Variants in USP45 observed in about 807,000 individuals in gnomAD.
USP45 encodes ubiquitin specific peptidase 45.
USP45 carries 89 observed loss-of-function variants against 95.8 expected under a neutral mutation model. The observed-to-expected ratio is 0.93, with a 90% CI of 0.78 to 1.11. The LOEUF (loss-of-function observed/expected upper bound fraction) is 1.11, where lower values mean the gene tolerates loss of function less well. USP45 is among the 50% of genes least tolerant of loss of function. The probability of loss-of-function intolerance (pLI) is 0.00; values close to 1 mark genes in which losing one functional copy is unlikely to be tolerated. For synonymous variants in USP45, 281 were observed against 316.2 expected, an observed-to-expected ratio of 0.89 and a Z score of 1.18; for missense variants, 898 against 942.5, an observed-to-expected ratio of 0.95 and a Z score of 0.62.
intron 13 of USP45, chr6:99,461,429 T>G (rs1402323543): frequency 1.0e-6 from 1 of 985,304 alleles, no homozygotes; most frequent in African/African-American, 1.7e-5. Context: ...TTTACTCTGT[T>G]TACGTATCTG....
chr6:99,480,336 T>A (rs1010232701), intron 8 of USP45, among the ~76,000 whole-genome samples: 32 of 152,110 alleles, frequency 2.1e-4, no homozygotes, highest in African/African-American at 7.5e-4. Context: ...ATCTACACAT[T>A]CAAAACAATC....
chr6:99,502,326 A>G (rs896211512), intron 5 of USP45, among the ~76,000 whole-genome samples: 1 of 152,040 alleles, frequency 6.6e-6, no homozygotes, highest in Non-Finnish European at 1.5e-5. Context: ...CTTTTTTGCT[A>G]TATTAAAACT....
chr6:99,466,643 C>T, intron 11 of USP45, 29 bp downstream of exon 11: 1 of 1,524,274 alleles, frequency 6.6e-7, no homozygotes. Context: ...TAATCCATTC[C>T]ATGCTGAATT....
At chr6:99,485,175 C>CAAAAAAAAAAA (rs1190400783) in intron 7 of USP45, among the ~76,000 whole-genome samples, 8 of 88,664 alleles carry the variant, frequency 9.0e-5, no homozygotes, top group Non-Finnish European at 1.8e-4. Context: ...ACTAAAAATA[C>CAAAAAAAAAAA]AAAAAAAAAA....
At position 99,437,231 on chromosome 6, in the gene USP45, C is replaced by G. The variant is rs1269011100; in HGVS notation, c.2314+15G>C. On this transcript the variant is annotated intron_variant, in intron 17 of 17. Coordinates refer to ENST00000500704, the MANE Select transcript of USP45 (RefSeq NM_001346022.3). Reference sequence around the variant, plus strand: ...CGTTTGTTTTTAAGAATAAAATAAACTTAGGATGGCATACCAGGCACATTT... The same window carrying G: ...CGTTTGTTTTTAAGAATAAAATAAAGTTAGGATGGCATACCAGGCACATTT... 1 of 1,593,528 alleles carries G rather than the reference C, an allele frequency of 6.3e-7. No homozygotes were observed. The highest frequency in any genetic ancestry group is 1.4e-5 in the African/African-American group (1 of 73,630).
rs998438087 is a variant in USP45 at position 99,473,765 on chromosome 6, C to CA, written c.933+2377dup. Among the ~76,000 whole-genome samples the CA allele has an allele frequency of 1.7e-4, 23 of 135,846 alleles. No individual in the cohort carries two copies. The Middle Eastern group carries it at 0.018, about 106-fold the overall frequency. 89.1% of individuals were successfully genotyped at this position (135,846 alleles called of 152,430 possible). Reference sequence around the variant, plus strand: ...GTGAGACCCTGTCTCAAAAAAAAAACAAAAAAAACAAAACACACACACACA... The same window carrying CA: ...GTGAGACCCTGTCTCAAAAAAAAAACAAAAAAAAACAAAACACACACACACA... On this transcript the variant is annotated intron_variant, in intron 9 of 17. Transcript: ENST00000500704.
In USP45 at chr6:99,435,176, A is replaced by G. The variant is rs1780270151; in HGVS notation, c.*540T>C. On this transcript the variant is annotated 3_prime_UTR_variant, in exon 18 of 18. Coordinates refer to ENST00000500704, the MANE Select transcript of USP45 (RefSeq NM_001346022.3). ...GATGGCCCTGAGATGATTTTAAGTT[A>G]AGTGGTACGTGGATAAACAATTTTT... 1 of 152,650 alleles carries G rather than the reference A, an allele frequency of 6.6e-6. No homozygotes were observed. The highest frequency in any genetic ancestry group is 6.5e-5 in the Admixed American group (1 of 15,278). 9.5% of individuals were successfully genotyped at this position (152,650 alleles called of 1,614,324 possible). A position where few individuals can be genotyped will look rare whatever the true frequency, so the allele number is the denominator to read the frequency against.
chr6:99,437,301 C>G lies in USP45; in HGVS notation c.2259G>C (p.Val753=). The G allele has an allele frequency of 1.2e-6, 2 of 1,613,830 alleles. No homozygotes were observed. Among genetic ancestry groups the G allele is most frequent in the Non-Finnish European group, 1.7e-6 (2 of 1,179,898 alleles). ...CCGATAATTTCCTGGAGGGTGTTCT[C>G]ACTTTCACATAAGCAGTGTAGTGGC... is the stretch of plus-strand genomic sequence containing the variant. ...REGHYTAYVK[V]RTPSRKLSEH... Residue 753 remains valine (V), a synonymous_variant, in exon 17 of 18, where the codon GTG becomes GTC. Transcript: ENST00000500704.
intron 5 of USP45, among the ~76,000 whole-genome samples, chr6:99,503,482 C>T (rs1583439078): frequency 6.6e-6 from 1 of 152,106 alleles, no homozygotes; most frequent in East Asian, 1.9e-4. Flanking sequence ...CAGGCATGTG[C>T]TACCGTACCC....
chr6:99,446,444 C>T lies in USP45; in HGVS notation c.1328G>A (p.Arg443Gln), dbSNP rs1177432375. The T allele has an allele frequency of 3.1e-6, 5 of 1,612,782 alleles. No individual in the cohort carries two copies. The highest frequency in any genetic ancestry group is 1.3e-5 in the African/African-American group (1 of 74,874). ...AGATGACAATTTTCTAATACATTTT[C>T]GGTCATGAATTAGTTGACTCTGTAA... ...SKDKSQLIHD[R>Q]KCIRKLSSGE... The change falls in exon 14 of 18, where the codon CGA (arginine) becomes CAA (glutamine). Residue 443 changes from arginine (R) to glutamine (Q), a missense_variant. Transcript: ENST00000500704.
intron 5 of USP45, among the ~76,000 whole-genome samples, chr6:99,494,809 G>A (rs1042351450): frequency 4.6e-5 from 7 of 152,134 alleles, no homozygotes; most frequent in African/African-American, 7.2e-5. Context: ...CAGGAGAATC[G>A]TTTGAACCCG....
rs1025149587 is a variant in USP45 at position 99,434,211 on chromosome 6, T to C, written c.*1505A>G. Reference sequence around the variant, plus strand: ...TTTGTATACTATTACCGTCTTTAATTACAGTTATGTTCATCCATATATCAA... The same window carrying C: ...TTTGTATACTATTACCGTCTTTAATCACAGTTATGTTCATCCATATATCAA... On this transcript the variant is annotated 3_prime_UTR_variant, in exon 18 of 18. Coordinates refer to ENST00000500704, the MANE Select transcript of USP45 (RefSeq NM_001346022.3). 1 of 149,748 alleles carries C rather than the reference T, an allele frequency of 6.7e-6. No homozygotes were observed. Among genetic ancestry groups the C allele is most frequent in the African/African-American group, 2.4e-5 (1 of 41,386 alleles). The allele number at this position is 149,748 out of a possible 1,614,324, so 9.3% of individuals were successfully genotyped here. A position where few individuals can be genotyped will look rare whatever the true frequency, so the allele number is the denominator to read the frequency against.
At chr6:99,496,702 TAA>T (rs2128757878) in intron 5 of USP45, among the ~76,000 whole-genome samples, 1 of 152,210 alleles carries the variant, frequency 6.6e-6, no homozygotes, top group East Asian at 1.9e-4. Flanking sequence ...TCATGACATT[TAA>T]AAGACTATTA....
At chr6:99,492,746 C>T (rs1215877026) in intron 5 of USP45, among the ~76,000 whole-genome samples, 2 of 152,036 alleles carry the variant, frequency 1.3e-5, no homozygotes, top group Non-Finnish European at 2.9e-5. Flanking sequence ...CACGCCTTGG[C>T]CTCCCAAAGC....
At position 99,435,815 on chromosome 6, in the gene USP45, G is replaced by T. The variant is rs1386496838; in HGVS notation, c.2346C>A (p.Gly782=). ...AAGTGTCACTAACATGGACCCACTG[G>T]CCTGCTGATTCATTATCAGCCGCTT... is the stretch of plus-strand genomic sequence containing the variant. ...GLKAADNESA[G]QWVHVSDTYL... is the part of the protein sequence containing the mutation. Residue 782 remains glycine (G), a synonymous_variant, in exon 18 of 18, where the codon GGC becomes GGA. Transcript: ENST00000500704. The T allele has an allele frequency of 6.2e-7, 1 of 1,613,032 alleles. No homozygotes were observed. Among genetic ancestry groups the T allele is most frequent in the Non-Finnish European group, 8.5e-7 (1 of 1,179,514 alleles).
chr6:99,472,404 C>T (rs202246422), intron 9 of USP45, among the ~76,000 whole-genome samples: 45 of 152,002 alleles, frequency 3.0e-4, no homozygotes, highest in East Asian at 1.4e-3. Flanking sequence ...TTAGTAGACA[C>T]GGGGTTTCAC....
intron 13 of USP45, chr6:99,462,287 C>G (rs1786657291): frequency 1.0e-6 from 1 of 984,944 alleles, no homozygotes; most frequent in Non-Finnish European, 1.2e-6. Flanking sequence ...CTTTGAGGTA[C>G]AGTTTCTATA....
intron 13 of USP45, among the ~76,000 whole-genome samples, chr6:99,453,791 T>C (rs1251652692): frequency 2.6e-5 from 4 of 152,040 alleles, no homozygotes; most frequent in Non-Finnish European, 5.9e-5. Context: ...AAACCCCATC[T>C]CTACTAAAAA....
At chr6:99,490,653 T>G (rs888928504) in intron 5 of USP45, among the ~76,000 whole-genome samples, 1 of 152,196 alleles carries the variant, frequency 6.6e-6, no homozygotes, top group East Asian at 1.9e-4. Flanking sequence ...GGACTGTTCA[T>G]AATAAAAATT....
Sources: allele counts gnomAD v4.1 joint callset (sites outside exome capture counted in the v4.1 genomes callset), GRCh38; gene constraint gnomAD v4.1.1; transcripts MANE v1.5; gene names NCBI Gene and HGNC (gene_info 2026-07-23, HGNC 2026-07-21).